The following GALNTL6 variants were observed in gnomAD, a reference collection of about 807,000 sequenced individuals.
GALNTL6 encodes polypeptide N-acetylgalactosaminyltransferase like 6.
In GALNTL6, 46 loss-of-function variants were observed where a neutral mutation model predicts 73.7. The observed-to-expected ratio is 0.62, with a 90% CI of 0.49 to 0.80. The LOEUF is 0.80. GALNTL6 is among the 30% of genes least tolerant of loss of function. The pLI, the probability that GALNTL6 is intolerant of heterozygous loss-of-function variation, is 0.00. For synonymous variants in GALNTL6, 259 were observed against 263.7 expected (o/e 0.98, Z 0.17); for missense variants, 604 against 755.0 (o/e 0.80, Z 2.34).
At chr4:172,390,550 C>T (rs185271334) in intron 5 of GALNTL6, among the ~76,000 whole-genome samples, 45 of 152,302 alleles carry the variant, frequency 3.0e-4, no homozygotes, top group South Asian at 8.3e-4. Flanking sequence ...AGCATGTCTA[C>T]GCAGCATGTG....
At chr4:172,906,423 G>A (rs1316989147) in intron 8 of GALNTL6, among the ~76,000 whole-genome samples, 2 of 152,190 alleles carry the variant, frequency 1.3e-5, no homozygotes, top group African/African-American at 4.8e-5. Flanking sequence ...TGAAGTGACT[G>A]TATTCATTTT....
At chr4:171,957,731 A>G (rs1354068484) in intron 2 of GALNTL6, among the ~76,000 whole-genome samples, 3 of 152,216 alleles carry the variant, frequency 2.0e-5, no homozygotes, top group African/African-American at 7.2e-5. Flanking sequence ...TCTGACTCAT[A>G]AGAAGTCAAC....
At chr4:172,306,912 T>C (rs772717379) in intron 3 of GALNTL6, among the ~76,000 whole-genome samples, 1 of 152,212 alleles carries the variant, frequency 6.6e-6, no homozygotes, top group Non-Finnish European at 1.5e-5. Context: ...CGAATTGTGC[T>C]GTTATAAACA....
intron 5 of GALNTL6, chr4:172,380,050 A>G: frequency 1.0e-6 from 1 of 960,898 alleles, no homozygotes; most frequent in Non-Finnish European, 1.7e-6. Flanking sequence ...CATGGCATAT[A>G]GCCTAGTCCC....
chr4:172,843,853 G>A (rs1159954833), intron 7 of GALNTL6, among the ~76,000 whole-genome samples: 1 of 152,160 alleles, frequency 6.6e-6, no homozygotes, highest in African/African-American at 2.4e-5. Context: ...GAAGTTAGGA[G>A]TTCCTGACCA....
intron 2 of GALNTL6, among the ~76,000 whole-genome samples, chr4:172,067,113 T>C (rs556606501): frequency 9.2e-5 from 14 of 151,864 alleles, no homozygotes; most frequent in Non-Finnish European, 1.6e-4. Context: ...CTGTTATAAT[T>C]AGTCTCTTCC....
chr4:172,083,737 T>C (rs1372158807), intron 2 of GALNTL6, among the ~76,000 whole-genome samples: 2 of 152,220 alleles, frequency 1.3e-5, no homozygotes, highest in Non-Finnish European at 1.5e-5. Context: ...TTAGAGATTT[T>C]GTCTATTCGC....
intron 7 of GALNTL6, among the ~76,000 whole-genome samples, chr4:172,877,831 C>T (rs1375932588): frequency 2.0e-5 from 3 of 151,814 alleles, no homozygotes; most frequent in Non-Finnish European, 4.4e-5. Flanking sequence ...AATTCAAAGC[C>T]TGATTTGTGA....
chr4:172,761,258 G>A (rs1738066911), intron 5 of GALNTL6, among the ~76,000 whole-genome samples: 1 of 152,140 alleles, frequency 6.6e-6, no homozygotes, highest in Non-Finnish European at 1.5e-5. Flanking sequence ...TCTGAGTAAA[G>A]AAAACTTTAT....
At chr4:172,412,871 A>G (rs938988885) in intron 5 of GALNTL6, among the ~76,000 whole-genome samples, 1 of 152,174 alleles carries the variant, frequency 6.6e-6, no homozygotes, top group Non-Finnish European at 1.5e-5. Flanking sequence ...CAATAATGTT[A>G]AACTGATACC....
At chr4:172,058,620 T>C (rs138843955) in intron 2 of GALNTL6, among the ~76,000 whole-genome samples, 295 of 152,292 alleles carry the variant, frequency 1.9e-3, no homozygotes, top group African/African-American at 6.9e-3. Flanking sequence ...TCTATTCTCC[T>C]GACTTACTTT....
intron 5 of GALNTL6, among the ~76,000 whole-genome samples, chr4:172,533,289 A>G (rs1345636558): frequency 7.0e-6 from 1 of 143,706 alleles, no homozygotes; most frequent in Non-Finnish European, 1.5e-5. Context: ...CTGAGATTAC[A>G]GGCGTGAGCC....
chr4:172,369,184 T>C (rs552391743), intron 5 of GALNTL6, among the ~76,000 whole-genome samples: 2 of 152,128 alleles, frequency 1.3e-5, no homozygotes, highest in African/African-American at 4.8e-5. Context: ...TGCTGATTGG[T>C]GCATTTACAA....
chr4:171,992,765 T>C (rs1740377183), intron 2 of GALNTL6, among the ~76,000 whole-genome samples: 2 of 152,066 alleles, frequency 1.3e-5, no homozygotes, highest in African/African-American at 2.4e-5. Context: ...GCCTAGGGTT[T>C]CATAGAACAT....
chr4:172,914,865 C>G (rs1747415426), intron 8 of GALNTL6, among the ~76,000 whole-genome samples: 1 of 152,104 alleles, frequency 6.6e-6, no homozygotes, highest in African/African-American at 2.4e-5. Context: ...ACAAGGATAT[C>G]CAGGACTTGA....
chr4:172,925,587 G>A (rs564012225), intron 8 of GALNTL6, among the ~76,000 whole-genome samples: 2 of 152,312 alleles, frequency 1.3e-5, no homozygotes, highest in Non-Finnish European at 2.9e-5. Flanking sequence ...TGTGAAGCAA[G>A]GAACTAAAAA....
intron 2 of GALNTL6, among the ~76,000 whole-genome samples, chr4:172,051,306 G>A (rs543338505): frequency 9.9e-5 from 15 of 152,274 alleles, no homozygotes; most frequent in South Asian, 6.2e-4. Flanking sequence ...ATTACAGTGC[G>A]TTCTTTTAGC....
chr4:172,144,941 G>T (rs1426710915), intron 2 of GALNTL6, among the ~76,000 whole-genome samples: 1 of 151,892 alleles, frequency 6.6e-6, no homozygotes, highest in African/African-American at 2.4e-5. Flanking sequence ...TTCTTTAGTG[G>T]ATTTAAGTCT....
chr4:172,537,378 G>C (rs1034480498), intron 5 of GALNTL6, among the ~76,000 whole-genome samples: 1 of 152,184 alleles, frequency 6.6e-6, no homozygotes, highest in African/African-American at 2.4e-5. Context: ...CTGTTCTCAT[G>C]ATAGTGAGTG....
Sources: gnomAD v4.1 joint callset for allele counts (sites outside exome capture counted in the v4.1 genomes callset) on GRCh38, gnomAD v4.1.1 for gene constraint, MANE v1.5 for transcripts, NCBI Gene and HGNC (gene_info 2026-07-23, HGNC 2026-07-21) for gene names.